PTPRG: variants seen among roughly 807,000 people sequenced by gnomAD.
PTPRG encodes the protein protein tyrosine phosphatase receptor type G.
A neutral mutation model predicts 165.3 loss-of-function variants in PTPRG; 102 were observed. The observed-to-expected ratio is 0.62, with a 90% CI of 0.53 to 0.73. The LOEUF (loss-of-function observed/expected upper bound fraction) is 0.73, where lower values mean the gene tolerates loss of function less well. Ranked by LOEUF, PTPRG falls within the 30% of genes least tolerant of loss-of-function variation. The pLI is 0.00. For synonymous variants in PTPRG, 675 were observed against 669.5 expected (o/e 1.01, Z -0.13); for missense variants, 1,866 against 1,861.4 (o/e 1.00, Z -0.05).
At chr3:61,855,239 C>G (rs2037066767) in intron 2 of PTPRG, among the ~76,000 whole-genome samples, 1 of 152,202 alleles carries the variant, frequency 6.6e-6, no homozygotes, top group Admixed American at 6.5e-5. Context: ...GCTTTCATAA[C>G]TGGGCTCTTG....
intron 4 of PTPRG, among the ~76,000 whole-genome samples, chr3:62,061,633 T>G (rs1325107301): frequency 8.4e-4 from 11 of 13,082 alleles, no homozygotes; most frequent in Non-Finnish European, 2.7e-3. Flanking sequence ...TTTTCTTTTC[T>G]TTTTTTTTTT....
At chr3:61,829,111 C>G (rs2036195813) in intron 2 of PTPRG, among the ~76,000 whole-genome samples, 2 of 152,168 alleles carry the variant, frequency 1.3e-5, no homozygotes, top group African/African-American at 4.8e-5. Flanking sequence ...AAGGAACTTA[C>G]TTGGCATGGG....
intron 6 of PTPRG, among the ~76,000 whole-genome samples, chr3:62,142,014 G>T (rs938098594): frequency 6.6e-6 from 1 of 151,372 alleles, no homozygotes; most frequent in Admixed American, 6.6e-5. Context: ...ACGTAGTGGT[G>T]CAGTCATAGA....
At chr3:61,940,553 G>C (rs981502756) in intron 2 of PTPRG, among the ~76,000 whole-genome samples, 1 of 152,084 alleles carries the variant, frequency 6.6e-6, no homozygotes, top group African/African-American at 2.4e-5. Context: ...TGTGTGTCTT[G>C]TGATGATTTC....
chr3:61,789,054 G>T (rs766818096), intron 2 of PTPRG, among the ~76,000 whole-genome samples: 2 of 151,940 alleles, frequency 1.3e-5, no homozygotes, highest in Non-Finnish European at 2.9e-5. Context: ...ATTACTGAGC[G>T]CTGGTATGTC....
intron 2 of PTPRG, among the ~76,000 whole-genome samples, chr3:61,976,035 G>A (rs1035021369): frequency 1.3e-5 from 2 of 152,088 alleles, no homozygotes; most frequent in Non-Finnish European, 2.9e-5. Context: ...TATTCCCCAA[G>A]GGAGGTCCCT....
chr3:61,747,427 G>A (rs1290572086), intron 1 of PTPRG, among the ~76,000 whole-genome samples: 1 of 152,170 alleles, frequency 6.6e-6, no homozygotes, highest in Non-Finnish European at 1.5e-5. Flanking sequence ...ATGAGTGGAA[G>A]CTTAAATTTT....
chr3:61,924,632 G>A (rs1244403825), intron 2 of PTPRG, among the ~76,000 whole-genome samples: 1 of 152,168 alleles, frequency 6.6e-6, no homozygotes, highest in Non-Finnish European at 1.5e-5. Context: ...AAATACTATG[G>A]CAGTGAAACA....
chr3:62,003,569 C>G (rs184720236), intron 4 of PTPRG, 72 bp downstream of exon 4: 2 of 1,564,728 alleles, frequency 1.3e-6, no homozygotes, highest in Non-Finnish European at 1.7e-6. Flanking sequence ...TGTGCCCTTA[C>G]CCTCAGTCAT....
chr3:61,691,512 C>T (rs1394563662), intron 1 of PTPRG, among the ~76,000 whole-genome samples: 2 of 152,092 alleles, frequency 1.3e-5, no homozygotes, highest in African/African-American at 4.8e-5. Flanking sequence ...GTATGTATAT[C>T]TCTGTGTGTG....
chr3:61,801,586 T>TAATGGAAAA (rs1370171844), intron 2 of PTPRG, among the ~76,000 whole-genome samples: 1 of 151,988 alleles, frequency 6.6e-6, no homozygotes, highest in African/African-American at 2.4e-5. Context: ...GCTTGTGTCA[T>TAATGGAAAA]AATGGAAAAA....
In PTPRG at chr3:61,705,433, T is replaced by C. The variant is rs140676526; in HGVS notation, c.86-43445T>C. Among the ~76,000 whole-genome samples, 597 of 152,304 alleles carry C rather than the reference T, an allele frequency of 3.9e-3. 6 individuals are homozygous for C. The highest frequency in any genetic ancestry group is 0.014 in the African/African-American group (569 of 41,562). ...GTCAGGGGTTTCAGGCTTTGGATTT[T>C]GTGGACCAGTTTAAAACTGGAGGCC... On this transcript the variant is annotated intron_variant, in intron 1 of 29. Coordinates refer to ENST00000474889, the MANE Select transcript of PTPRG (RefSeq NM_002841.4).
chr3:61,635,229 C>G lies in PTPRG; in HGVS notation c.85+72857C>G, dbSNP rs151262807. On this transcript the variant is annotated intron_variant, in intron 1 of 29. Coordinates refer to ENST00000474889, the MANE Select transcript of PTPRG (RefSeq NM_002841.4). ...TCCAATAAAATGAGTTGGCGAAAAT[C>G]AAGCTGTCATGGAGTTGCTAAAAAT... 5.2e-3 allele frequency among the ~76,000 whole-genome samples: 792 copies of G among 151,960 alleles called. 7 individuals are homozygous for G. The highest frequency in any genetic ancestry group is 0.028 in the South Asian group (134 of 4,816).
At chr3:61,653,219 A>G (rs1702408710) in intron 1 of PTPRG, among the ~76,000 whole-genome samples, 1 of 152,134 alleles carries the variant, frequency 6.6e-6, no homozygotes, top group Non-Finnish European at 1.5e-5. Flanking sequence ...GACGTATTGT[A>G]CATATAGGGT....
chr3:62,135,594 C>G (rs1703679233), intron 6 of PTPRG, among the ~76,000 whole-genome samples: 1 of 152,130 alleles, frequency 6.6e-6, no homozygotes, highest in Non-Finnish European at 1.5e-5. Flanking sequence ...GAATAACCTG[C>G]TCATATCAGC....
intron 2 of PTPRG, among the ~76,000 whole-genome samples, chr3:61,896,228 C>CT (rs1559675583): frequency 6.6e-6 from 1 of 152,190 alleles, no homozygotes; most frequent in East Asian, 1.9e-4. Context: ...CCTCCCATCT[C>CT]TAACTCCTAG....
At position 62,210,492 on chromosome 3, in the gene PTPRG, C is replaced by G. The variant is rs1700333566; in HGVS notation, c.2155+6542C>G. 6.6e-6 allele frequency among the ~76,000 whole-genome samples: 1 copy of G among 152,168 alleles called. No individual in the cohort carries two copies. The highest frequency in any genetic ancestry group is 2.1e-4 in the South Asian group (1 of 4,810). ...CTAGTGGGAATGTAAAATGTGCAGC[C>G]CCTGTGGAAAATAGTATGGTAGTTC... On this transcript the variant is annotated intron_variant, in intron 12 of 29. Transcript: ENST00000474889. The surrounding 1 kb of genome is among the most constrained non-coding windows in gnomAD (Gnocchi z 4.1).
In PTPRG at chr3:62,293,257, C is replaced by G. The variant is rs1219944923; in HGVS notation, c.4288C>G (p.Leu1430Val). The G allele has an allele frequency of 6.2e-7, 1 of 1,611,094 alleles. No individual in the cohort carries two copies. Among genetic ancestry groups the G allele is most frequent in the South Asian group, 1.1e-5 (1 of 90,482 alleles). The change falls in exon 30 of 30, where the codon CTT (leucine) becomes GTT (valine). Residue 1430 changes from leucine (L) to valine (V), a missense_variant. Coordinates refer to ENST00000474889, the MANE Select transcript of PTPRG (RefSeq NM_002841.4). Reference protein sequence around the residue: ...PMTVDKNGAVLIADESDPAES... With the variant: ...PMTVDKNGAVVIADESDPAES... ...GACAGTAGACAAAAATGGTGCTGTT[C>G]TTATTGCAGATGAATCAGACCCTGC...
At chr3:61,987,701 T>C (rs985917628) in intron 2 of PTPRG, among the ~76,000 whole-genome samples, 2 of 144,976 alleles carry the variant, frequency 1.4e-5, no homozygotes, top group African/African-American at 5.8e-5. Context: ...CAATTGTGGC[T>C]AAGTAAAATT....
Sources: allele counts gnomAD v4.1 joint callset (sites outside exome capture counted in the v4.1 genomes callset), GRCh38; gene constraint gnomAD v4.1.1; non-coding constraint Gnocchi (gnomAD v3.1); transcripts MANE v1.5; gene names NCBI Gene and HGNC (gene_info 2026-07-23, HGNC 2026-07-21).